The following CNTNAP5 variants were observed in gnomAD, a reference collection of about 807,000 sequenced individuals.
The protein encoded by CNTNAP5 is contactin-associated protein-like 5.
A neutral mutation model predicts 150.2 loss-of-function variants in CNTNAP5; 72 were observed. That is an observed-to-expected ratio of 0.48 (90% CI 0.40 to 0.58). CNTNAP5 has a LOEUF of 0.58. Among genes scored for constraint, CNTNAP5 ranks in the 20% least tolerant of loss-of-function variants. The probability of loss-of-function intolerance (pLI) is 0.00; values close to 1 mark genes in which losing one functional copy is unlikely to be tolerated. For synonymous variants in CNTNAP5, 672 were observed against 619.8 expected (o/e 1.08, Z -1.25); for missense variants, 1,636 against 1,626.2 (o/e 1.01, Z -0.10).
chr2:124,726,460 C>A (rs1680159164), intron 13 of CNTNAP5, among the ~76,000 whole-genome samples: 1 of 151,992 alleles, frequency 6.6e-6, no homozygotes, highest in South Asian at 2.1e-4. Flanking sequence ...ATTTGCTTTC[C>A]CCTAAGATTG....
intron 13 of CNTNAP5, among the ~76,000 whole-genome samples, chr2:124,708,136 T>A (rs1421449810): frequency 6.6e-6 from 1 of 152,202 alleles, no homozygotes; most frequent in Admixed American, 6.5e-5. Context: ...TCAAGTGAAC[T>A]TTTTTTCACA....
At chr2:124,322,220 A>G (rs1348912575) in intron 3 of CNTNAP5, among the ~76,000 whole-genome samples, 1 of 152,160 alleles carries the variant, frequency 6.6e-6, no homozygotes, top group African/African-American at 2.4e-5. Context: ...TATTGCTTTT[A>G]TAAACCATTT....
chr2:124,468,924 C>G (rs1014715514), intron 6 of CNTNAP5, among the ~76,000 whole-genome samples: 1 of 152,228 alleles, frequency 6.6e-6, no homozygotes, highest in Non-Finnish European at 1.5e-5. Flanking sequence ...TCCTCCCCAG[C>G]TGATTTGCTC....
intron 17 of CNTNAP5, among the ~76,000 whole-genome samples, chr2:124,788,606 T>TA (rs765010003): frequency 6.8e-6 from 1 of 147,048 alleles, no homozygotes; most frequent in South Asian, 2.1e-4. Context: ...TTTCTTTCTT[T>TA]TTTTTTTTTT....
At chr2:124,578,603 T>A (rs569318915) in intron 11 of CNTNAP5, among the ~76,000 whole-genome samples, 1 of 151,980 alleles carries the variant, frequency 6.6e-6, no homozygotes, top group Non-Finnish European at 1.5e-5. Context: ...AAACTTTATC[T>A]CTACCGAAAA....
chr2:124,468,325 C>T (rs1693429339), intron 6 of CNTNAP5, among the ~76,000 whole-genome samples: 1 of 152,148 alleles, frequency 6.6e-6, no homozygotes, highest in South Asian at 2.1e-4. Flanking sequence ...ACAGTGCAGT[C>T]TTCAGCCTGT....
chr2:124,646,356 T>A (rs74897654), intron 12 of CNTNAP5, among the ~76,000 whole-genome samples: 4,018 of 152,282 alleles, frequency 0.026, 117 homozygotes, highest in Non-Finnish European at 0.039. Context: ...TCGTGGTGAC[T>A]TTCAGTGTAT....
At chr2:124,675,769 C>A (rs1037916024) in intron 13 of CNTNAP5, among the ~76,000 whole-genome samples, 3 of 152,030 alleles carry the variant, frequency 2.0e-5, no homozygotes, top group African/African-American at 7.2e-5. Context: ...TCATATTTTC[C>A]TTTAATTCTT....
At chr2:124,343,393 A>G (rs1018138991) in intron 3 of CNTNAP5, among the ~76,000 whole-genome samples, 4 of 152,176 alleles carry the variant, frequency 2.6e-5, no homozygotes, top group African/African-American at 7.2e-5. Context: ...GATAAGCCTC[A>G]TTGGTTTAAT....
At chr2:124,243,306 A>C (rs1293817606) in intron 3 of CNTNAP5, among the ~76,000 whole-genome samples, 2 of 152,146 alleles carry the variant, frequency 1.3e-5, no homozygotes, top group African/African-American at 4.8e-5. Context: ...CTCTTAAATC[A>C]ATGCCAATTT....
At chr2:124,323,357 A>G (rs1344973175) in intron 3 of CNTNAP5, among the ~76,000 whole-genome samples, 1 of 152,210 alleles carries the variant, frequency 6.6e-6, no homozygotes, top group African/African-American at 2.4e-5. Flanking sequence ...GACTCAAGTC[A>G]AGACCTACTC....
At chr2:124,264,928 G>A (rs957327670) in intron 3 of CNTNAP5, among the ~76,000 whole-genome samples, 5 of 152,164 alleles carry the variant, frequency 3.3e-5, no homozygotes, top group Admixed American at 6.5e-5. Flanking sequence ...TTGGGCATGC[G>A]ACATTTCCTT....
intron 1 of CNTNAP5, among the ~76,000 whole-genome samples, chr2:124,199,343 A>T (rs1229561277): frequency 6.6e-6 from 1 of 150,636 alleles, no homozygotes. Context: ...ATTTATTTAG[A>T]TCTTCTAAAA....
intron 1 of CNTNAP5, among the ~76,000 whole-genome samples, chr2:124,063,005 TGA>T (rs1447867613): frequency 6.6e-6 from 1 of 152,094 alleles, no homozygotes; most frequent in African/African-American, 2.4e-5. Context: ...ATAAAAGATG[TGA>T]GTTATTATTG....
chr2:124,357,049 G>A (rs894772339), intron 3 of CNTNAP5, among the ~76,000 whole-genome samples: 1 of 152,184 alleles, frequency 6.6e-6, no homozygotes, highest in Admixed American at 6.5e-5. Flanking sequence ...GCATTTCTCT[G>A]ATGGCCAGTG....
rs201611029 is a variant in CNTNAP5, at chr2:124,524,168, G to T, written c.1328-135G>T. 309 of 725,320 alleles carry T rather than the reference G, an allele frequency of 4.3e-4. No individual in the cohort carries two copies. In the East Asian group the frequency reaches 7.8e-3, roughly 18 times the overall value. The allele number at this position is 725,320 out of a possible 1,614,324, so 44.9% of individuals were successfully genotyped here. A position where few individuals can be genotyped will look rare whatever the true frequency, so the allele number is the denominator to read the frequency against. The stretch of plus-strand genomic sequence containing the variant: ...AATGCTTTTTATGAATCTTCCAAGG[G>T]CTTGTATCCAGCCGAGTGAGGAGTG... On this transcript the variant is annotated intron_variant, in intron 8 of 23. Transcript: ENST00000682447.
At chr2:124,744,620 A>G (rs536722565) in intron 13 of CNTNAP5, among the ~76,000 whole-genome samples, 1 of 152,252 alleles carries the variant, frequency 6.6e-6, no homozygotes, top group Non-Finnish European at 1.5e-5. Flanking sequence ...TCCTTAGTAA[A>G]TATTTGTTGA....
chr2:124,230,152 C>T (rs1298706748), intron 2 of CNTNAP5, among the ~76,000 whole-genome samples: 1 of 152,092 alleles, frequency 6.6e-6, no homozygotes, highest in Non-Finnish European at 1.5e-5. Context: ...ATTCCATGCA[C>T]ACTTACCACC....
chr2:124,221,264 C>G (rs902255615), intron 1 of CNTNAP5, among the ~76,000 whole-genome samples: 6 of 152,122 alleles, frequency 3.9e-5, no homozygotes, highest in African/African-American at 1.2e-4. Context: ...ATTACGGGAG[C>G]TCTTAGGAAC....
Sources: gnomAD v4.1 joint callset for allele counts (sites outside exome capture counted in the v4.1 genomes callset) on GRCh38, gnomAD v4.1.1 for gene constraint, MANE v1.5 for transcripts, NCBI Gene and HGNC (gene_info 2026-07-23, HGNC 2026-07-21) for gene names.